The following PDZRN4 variants were observed in gnomAD, a reference collection of about 807,000 sequenced individuals.
The protein encoded by PDZRN4 is PDZ domain containing ring finger 4.
Under a neutral mutation model 99.0 loss-of-function variants are expected in PDZRN4, and 70 were observed. The observed-to-expected ratio is 0.71, with a 90% confidence interval of 0.58 to 0.86. The LOEUF is 0.86. PDZRN4 is among the 40% of genes least tolerant of loss of function. PDZRN4 has a pLI of 0.00. For synonymous variants in PDZRN4, 551 were observed against 501.6 expected (o/e 1.10, Z -1.32); for missense variants, 1,474 against 1,331.2 (o/e 1.11, Z -1.67).
At chr12:41,406,242 T>A (rs1180257608) in intron 3 of PDZRN4, among the ~76,000 whole-genome samples, 1 of 152,138 alleles carries the variant, frequency 6.6e-6, no homozygotes, top group Non-Finnish European at 1.5e-5. Flanking sequence ...GCTCTTTAAT[T>A]TCCACAGTGT....
At chr12:41,491,986 T>G (rs1297300103) in intron 3 of PDZRN4, among the ~76,000 whole-genome samples, 1 of 152,176 alleles carries the variant, frequency 6.6e-6, no homozygotes, top group Non-Finnish European at 1.5e-5. Context: ...TTCATACATA[T>G]TCATATGAAG....
intron 4 of PDZRN4, among the ~76,000 whole-genome samples, chr12:41,508,358 C>T (rs1271482926): frequency 6.6e-6 from 1 of 152,158 alleles, no homozygotes; most frequent in South Asian, 2.1e-4. Context: ...CTACCATGTG[C>T]TCCCAAGGCT....
intron 3 of PDZRN4, among the ~76,000 whole-genome samples, chr12:41,349,633 C>T (rs1449620804): frequency 1.3e-5 from 2 of 152,094 alleles, no homozygotes; most frequent in African/African-American, 2.4e-5. Flanking sequence ...CATTAATTAA[C>T]TCTATATTCG....
chr12:41,346,807 T>C (rs917160231), intron 3 of PDZRN4, among the ~76,000 whole-genome samples: 3 of 152,168 alleles, frequency 2.0e-5, no homozygotes, highest in Non-Finnish European at 4.4e-5. Context: ...TACTATTAGC[T>C]GTCATTCTCC....
chr12:41,538,400 A>C (rs1938785793), intron 5 of PDZRN4, among the ~76,000 whole-genome samples: 1 of 152,322 alleles, frequency 6.6e-6, no homozygotes, highest in Non-Finnish European at 1.5e-5. Context: ...GAAACGTTAT[A>C]TTGTGGACAT....
At chr12:41,376,828 C>T (rs1952085504) in intron 3 of PDZRN4, among the ~76,000 whole-genome samples, 1 of 152,052 alleles carries the variant, frequency 6.6e-6, no homozygotes, top group African/African-American at 2.4e-5. Context: ...AGTTTTTCCC[C>T]TGTGTTTTCT....
At chr12:41,367,992 G>A (rs181436324) in intron 3 of PDZRN4, among the ~76,000 whole-genome samples, 2 of 152,116 alleles carry the variant, frequency 1.3e-5, no homozygotes, top group South Asian at 4.2e-4. Flanking sequence ...TAGGAAATAC[G>A]ATGTCCTCTT....
At chr12:41,454,301 A>G (rs1157813638) in intron 3 of PDZRN4, among the ~76,000 whole-genome samples, 4 of 152,234 alleles carry the variant, frequency 2.6e-5, no homozygotes, top group African/African-American at 9.6e-5. Context: ...AAGCCTGCCC[A>G]CTGGCTGAGA....
At chr12:41,432,186 G>A (rs933823289) in intron 3 of PDZRN4, among the ~76,000 whole-genome samples, 2 of 152,168 alleles carry the variant, frequency 1.3e-5, no homozygotes, top group African/African-American at 4.8e-5. Flanking sequence ...TACAGATAGT[G>A]TATACACATA....
intron 3 of PDZRN4, among the ~76,000 whole-genome samples, chr12:41,339,069 T>A (rs1182154900): frequency 2.6e-5 from 4 of 151,190 alleles, no homozygotes; most frequent in African/African-American, 4.9e-5. Flanking sequence ...TAGAAAAAAA[T>A]TTCCTAAAAT....
chr12:41,547,263 A>C (rs989764628), intron 5 of PDZRN4, among the ~76,000 whole-genome samples: 1 of 152,224 alleles, frequency 6.6e-6, no homozygotes, highest in Non-Finnish European at 1.5e-5. Context: ...GTGGAAGCCC[A>C]TTCTAGGAAA....
intron 3 of PDZRN4, among the ~76,000 whole-genome samples, chr12:41,326,449 C>T (rs1460865761): frequency 6.6e-6 from 1 of 152,142 alleles, no homozygotes; most frequent in Admixed American, 6.5e-5. Flanking sequence ...TAATTAAAAA[C>T]ACATCTTGAT....
intron 3 of PDZRN4, among the ~76,000 whole-genome samples, chr12:41,385,175 T>G: frequency 6.6e-6 from 1 of 152,082 alleles, no homozygotes; most frequent in Non-Finnish European, 1.5e-5. Context: ...ATAAGTACCT[T>G]AAAGAAAAAC....
intron 3 of PDZRN4, among the ~76,000 whole-genome samples, chr12:41,245,766 T>C (rs183838705): frequency 6.6e-6 from 1 of 152,210 alleles, no homozygotes; most frequent in Non-Finnish European, 1.5e-5. Flanking sequence ...GAGGAAACAG[T>C]ATTTAGACTG....
chr12:41,267,063 C>CA (rs1045682571), intron 3 of PDZRN4, among the ~76,000 whole-genome samples: 4 of 151,958 alleles, frequency 2.6e-5, no homozygotes, highest in African/African-American at 4.8e-5. Flanking sequence ...TCTTTTTTTT[C>CA]ACGGGCTCTA....
At chr12:41,551,178 T>C (rs1019130832) in intron 5 of PDZRN4, among the ~76,000 whole-genome samples, 1 of 152,082 alleles carries the variant, frequency 6.6e-6, no homozygotes, top group Non-Finnish European at 1.5e-5. Context: ...GGCCTGTTCC[T>C]CATAGAGGTC....
chr12:41,468,422 C>T (rs754940947), intron 3 of PDZRN4, among the ~76,000 whole-genome samples: 14 of 152,138 alleles, frequency 9.2e-5, no homozygotes, highest in Non-Finnish European at 1.8e-4. Flanking sequence ...TATACCAAAG[C>T]CCAAAACTAA....
At chr12:41,352,142 G>T (rs767045584) in intron 3 of PDZRN4, among the ~76,000 whole-genome samples, 1 of 151,900 alleles carries the variant, frequency 6.6e-6, no homozygotes, top group Admixed American at 6.6e-5. Flanking sequence ...TCTGACAAGG[G>T]TGCACTGGAT....
chr12:41,562,460 T>C (rs1398365623), intron 7 of PDZRN4, among the ~76,000 whole-genome samples: 1 of 152,184 alleles, frequency 6.6e-6, no homozygotes, highest in Non-Finnish European at 1.5e-5. Context: ...TCAGTGCTGC[T>C]ACATTTTCCA....
Sources: gnomAD v4.1 joint callset for allele counts (sites outside exome capture counted in the v4.1 genomes callset) on GRCh38, gnomAD v4.1.1 for gene constraint, MANE v1.5 for transcripts, NCBI Gene and HGNC (gene_info 2026-07-23, HGNC 2026-07-21) for gene names.